The following AFP variants were observed in gnomAD, a reference collection of about 807,000 sequenced individuals.
The protein encoded by AFP is alpha fetoprotein, also known as alpha-fetoprotein.
AFP carries 64 observed loss-of-function variants against 78.9 expected under a neutral mutation model. The ratio of observed to expected loss-of-function variants is 0.81; its 90% CI spans 0.66 to 1.00. AFP has a LOEUF of 1.00. AFP is among the 50% of genes least tolerant of loss of function. The pLI, the probability that AFP is intolerant of heterozygous loss-of-function variation, is 0.00. For missense variants in AFP, 689 were observed against 703.8 expected (o/e 0.98, Z 0.24); for synonymous variants, 254 against 243.8 (o/e 1.04, Z -0.39).
chr4:73,445,676 T>C (rs1719799949), intron 7 of AFP, among the ~76,000 whole-genome samples: 2 of 152,174 alleles, frequency 1.3e-5, no homozygotes, highest in African/African-American at 4.8e-5. Context: ...GTTTGTTAAA[T>C]GAACGAATGC....
chr4:73,440,528 A>G, intron 3 of AFP, 74 bp from the exon 4 acceptor site: 1 of 1,213,644 alleles, frequency 8.2e-7, no homozygotes, highest in Non-Finnish European at 1.2e-6. Flanking sequence ...GACATTAGAA[A>G]ATGTTTCATG....
chr4:73,445,646 A>T (rs72647029), intron 7 of AFP, among the ~76,000 whole-genome samples: 1,989 of 152,292 alleles, frequency 0.013, 22 homozygotes, highest in Middle Eastern at 0.02. Flanking sequence ...TGCCTGGCAC[A>T]TGGAAGGCAT....
chr4:73,444,913 C>A, intron 6 of AFP, 80 bp from the exon 7 acceptor site: 1 of 1,218,722 alleles, frequency 8.2e-7, no homozygotes. Flanking sequence ...GAAACTTCTA[C>A]TGTAGTAATA....
chr4:73,454,199 C>A (rs1407925638), intron 13 of AFP, among the ~76,000 whole-genome samples: 1 of 151,724 alleles, frequency 6.6e-6, no homozygotes, highest in Non-Finnish European at 1.5e-5. Context: ...TAGTTTCTGG[C>A]CTAAAATTGA....
In AFP at chr4:73,453,752, T is replaced by A; in HGVS notation, c.1653-13T>A. 6.2e-7 allele frequency: 1 copy of A among 1,612,838 alleles called. No homozygotes were observed. The highest frequency in any genetic ancestry group is 8.5e-7 in the Non-Finnish European group (1 of 1,179,142). ...CAGACTTCTCTTGTATTTTGTTTTGTTTTAAATCACAGGTTTCTCATTAAC... is the reference window on the plus strand; with the variant it reads ...CAGACTTCTCTTGTATTTTGTTTTGATTTAAATCACAGGTTTCTCATTAAC... On this transcript the variant is annotated splice_polypyrimidine_tract_variant and intron_variant, in intron 12 of 14. Transcript: ENST00000395792.
chr4:73,451,128 TTA>T (rs1719980061), intron 11 of AFP, among the ~76,000 whole-genome samples: 2 of 152,234 alleles, frequency 1.3e-5, no homozygotes, highest in Admixed American at 1.3e-4. Context: ...TAAAAAAGCT[TTA>T]TCTTTGATTG....
At chr4:73,448,950 G>T (rs1719907484) in intron 8 of AFP, among the ~76,000 whole-genome samples, 1 of 151,780 alleles carries the variant, frequency 6.6e-6, no homozygotes, top group African/African-American at 2.4e-5. Context: ...TTGTTTATTT[G>T]TTCTGCCTCC....
intron 4 of AFP, among the ~76,000 whole-genome samples, 175 bp from the exon 5 acceptor site, chr4:73,442,118 GACA>G (rs939333334): frequency 8.5e-5 from 13 of 152,076 alleles, no homozygotes; most frequent in African/African-American, 2.9e-4. Context: ...GGAAAATTTT[GACA>G]ACATGTGGAA....
rs1719937463 is a variant in AFP, at chr4:73,449,954, T to C, written c.1192-82T>C. On this transcript the variant is annotated intron_variant, in intron 9 of 14. Transcript: ENST00000395792. ...ACATCTCTGATTGGTTTTATAATAGTATATAATATTGATCAATTTTATATA... is the reference window on the plus strand; with the variant it reads ...ACATCTCTGATTGGTTTTATAATAGCATATAATATTGATCAATTTTATATA... The C allele has an allele frequency of 4.8e-6, 4 of 833,048 alleles. No individual in the cohort carries two copies. In the South Asian group the frequency reaches 4.9e-5, roughly 10 times the overall value. 51.6% of individuals were successfully genotyped at this position (833,048 alleles called of 1,614,324 possible).
At chr4:73,449,036 G>A (rs1719910972) in intron 8 of AFP, among the ~76,000 whole-genome samples, 1 of 152,070 alleles carries the variant, frequency 6.6e-6, no homozygotes, top group African/African-American at 2.4e-5. Context: ...AGCAATGCTA[G>A]CAAAGAGTGG....
At chr4:73,452,804 G>T (rs1720043406) in intron 12 of AFP, among the ~76,000 whole-genome samples, 180 bp downstream of exon 12, 1 of 152,126 alleles carries the variant, frequency 6.6e-6, no homozygotes, top group African/African-American at 2.4e-5. Context: ...GGGGAAGCAG[G>T]TCTAGAAAAA....
chr4:73,438,652 G>A (rs1175813440), intron 3 of AFP, among the ~76,000 whole-genome samples: 1 of 152,094 alleles, frequency 6.6e-6, no homozygotes, highest in Non-Finnish European at 1.5e-5. Flanking sequence ...TGATATAACA[G>A]CAATAGTAGC....
In AFP at chr4:73,437,167, ATT is replaced by A; in HGVS notation, c.94_95del (p.Leu32GlyfsTer13). 6.2e-7 allele frequency: 1 copy of A among 1,611,088 alleles called. No homozygotes were observed. The highest frequency in any genetic ancestry group is 8.5e-7 in the Non-Finnish European group (1 of 1,177,714). On this transcript the variant is annotated frameshift_variant, in exon 2 of 15. Coordinates refer to ENST00000395792, the MANE Select transcript of AFP (RefSeq NM_001134.3). LOFTEE classifies it high-confidence loss of function. The part of the protein sequence containing the change: ...HRNEYGIASI[L>X]DSYQCTAEIS... ...GTTTATTTTGCTTTCCAGCTTCCATATTGGATTCTTACCAATGTACTGCAGAG... is the reference window on the plus strand; with the variant it reads ...GTTTATTTTGCTTTCCAGCTTCCATAGGATTCTTACCAATGTACTGCAGAG...
rs1337863402 is a variant in AFP, at chr4:73,453,321, T to TCTA, written c.1653-443_1653-441dup. Among the ~76,000 whole-genome samples, 5 of 152,312 alleles carry TCTA rather than the reference T, an allele frequency of 3.3e-5. 1 individual carries two copies. The East Asian group carries it at 9.7e-4, about 29-fold the overall frequency. On this transcript the variant is annotated intron_variant, in intron 12 of 14. Coordinates refer to ENST00000395792, the MANE Select transcript of AFP (RefSeq NM_001134.3). ...TCTGGTCTACTTTCTATTGCTCTGG[T>TCTA]CTAAGTCCAACATGAAAGGCTTGCT...
chr4:73,451,894 G>A (rs1466221682), intron 11 of AFP, among the ~76,000 whole-genome samples: 1 of 152,140 alleles, frequency 6.6e-6, no homozygotes, highest in Non-Finnish European at 1.5e-5. Context: ...TTCTACATTA[G>A]GAAAGTCTTA....
intron 7 of AFP, among the ~76,000 whole-genome samples, chr4:73,445,369 G>C (rs536408543): frequency 1.3e-5 from 2 of 152,096 alleles, no homozygotes; most frequent in Admixed American, 1.3e-4. Flanking sequence ...TAAAAAAACC[G>C]TGGGAACTTC....
chr4:73,455,193 T>C (rs754297128), intron 13 of AFP, 43 bp from the exon 14 acceptor site: 32 of 1,426,160 alleles, frequency 2.2e-5, no homozygotes, highest in Non-Finnish European at 3.2e-5. Flanking sequence ...ATTGGTATAA[T>C]AATCCATTTC....
At chr4:73,438,812 T>G (rs750338317) in intron 3 of AFP, among the ~76,000 whole-genome samples, 2 of 152,152 alleles carry the variant, frequency 1.3e-5, no homozygotes, top group African/African-American at 2.4e-5. Flanking sequence ...TGGCTCGGGC[T>G]TCTGGGCAGG....
At position 73,445,120 on chromosome 4, in the gene AFP, G is replaced by C. The variant is rs749712578; in HGVS notation, c.841G>C (p.Gly281Arg). 1.2e-6 allele frequency: 2 copies of C among 1,613,702 alleles called. No individual in the cohort carries two copies. The highest frequency in any genetic ancestry group is 2.7e-5 in the African/African-American group (2 of 74,884). ...RGDVLDCLQD[G>R]EKIMSYICSQ... ...AGATGTGCTGGATTGTCTGCAGGATGGGGTGAAGAGTCTTGCTTCTTAAAA... is the reference window on the plus strand; with the variant it reads ...AGATGTGCTGGATTGTCTGCAGGATCGGGTGAAGAGTCTTGCTTCTTAAAA... The change falls in exon 7 of 15, where the codon GGG becomes CGG. Residue 281 changes from glycine to arginine, a missense_variant and splice_region_variant. Coordinates refer to ENST00000395792, the MANE Select transcript of AFP (RefSeq NM_001134.3).
Sources: gnomAD v4.1 joint callset for allele counts (sites outside exome capture counted in the v4.1 genomes callset) on GRCh38, gnomAD v4.1.1 for gene constraint, MANE v1.5 for transcripts, NCBI Gene and HGNC (gene_info 2026-07-23, HGNC 2026-07-21) for gene names.